The following SMAD5 variants were observed in gnomAD, a reference collection of about 807,000 sequenced individuals.
The protein encoded by SMAD5 is SMAD family member 5.
Under a neutral mutation model 43.1 loss-of-function variants are expected in SMAD5, and 9 were observed. That is an observed-to-expected ratio of 0.21 (90% CI 0.13 to 0.36). The LOEUF (loss-of-function observed/expected upper bound fraction) is 0.36. SMAD5 is among the 10% of genes least tolerant of loss of function. The pLI is 1.00. For synonymous variants in SMAD5, 190 were observed against 192.4 expected (o/e 0.99, Z 0.10); for missense variants, 348 against 574.0 (o/e 0.61, Z 4.02).
intron 5 of SMAD5, among the ~76,000 whole-genome samples, chr5:136,165,478 ATGT>A (rs1198136782): frequency 1.3e-5 from 2 of 151,924 alleles, no homozygotes; most frequent in African/African-American, 2.4e-5. Flanking sequence ...TCCATTTATA[ATGT>A]TGTGTGACCA....
intron 7 of SMAD5, among the ~76,000 whole-genome samples, chr5:136,176,771 A>G (rs1561660633): frequency 6.6e-6 from 1 of 151,894 alleles, no homozygotes; most frequent in South Asian, 2.1e-4. Context: ...ATATCTTATA[A>G]TACAGTTAAA....
intron 1 of SMAD5, chr5:136,134,311 A>G (rs1268015641): frequency 1.3e-5 from 2 of 152,482 alleles, no homozygotes; most frequent in African/African-American, 2.4e-5. Context: ...ATTTAAAACT[A>G]GAGTACTTGA....
chr5:136,173,430 A>G (rs936750659), intron 6 of SMAD5, among the ~76,000 whole-genome samples: 2 of 152,206 alleles, frequency 1.3e-5, no homozygotes, highest in Non-Finnish European at 2.9e-5. Context: ...GTAAATAAAT[A>G]TAATTGTGAT....
At position 136,154,370 on chromosome 5, in the gene SMAD5, A is replaced by T. The variant is rs906441632; in HGVS notation, c.403+207A>T. Among the ~76,000 whole-genome samples the T allele has an allele frequency of 2.6e-5, 4 of 152,272 alleles. No individual in the cohort carries two copies. In the East Asian group the frequency reaches 7.7e-4, roughly 29 times the overall value. ...ATTCTCAGGTGGCTTACTCTAATTC[A>T]TTATTCACTGTAAGCACCCATATAT... On this transcript the variant is annotated intron_variant, in intron 3 of 7. Coordinates refer to ENST00000545279, the MANE Select transcript of SMAD5 (RefSeq NM_005903.7).
chr5:136,150,537 A>G (rs1205858140), intron 2 of SMAD5, among the ~76,000 whole-genome samples: 1 of 151,942 alleles, frequency 6.6e-6, no homozygotes, highest in Non-Finnish European at 1.5e-5. Context: ...AGTTTTTATT[A>G]TAAATATTCA....
At chr5:136,165,563 C>T (rs1753970026) in intron 5 of SMAD5, among the ~76,000 whole-genome samples, 2 of 151,438 alleles carry the variant, frequency 1.3e-5, no homozygotes, top group South Asian at 4.2e-4. Context: ...TAAAAATTTC[C>T]TATTCTCCTT....
intron 5 of SMAD5, among the ~76,000 whole-genome samples, chr5:136,166,035 T>C (rs6867319): frequency 0.36 from 54,307 of 151,906 alleles, 10,604 homozygotes; most frequent in African/African-American, 0.53. Flanking sequence ...TTTTATATTC[T>C]CAGCAACAGT....
Position 136,138,811 on chromosome 5 carries a change from A to C in SMAD5, c.-245+5849A>C, listed in dbSNP as rs7730051. On this transcript the variant is annotated intron_variant, in intron 1 of 7. Coordinates refer to ENST00000545279, the MANE Select transcript of SMAD5 (RefSeq NM_005903.7). ...CGAGATTCTTGTTAAAAATGTGGGCAGTAAGGCCCTTCTGCCAAGCTTAGT... is the reference window on the plus strand; with the variant it reads ...CGAGATTCTTGTTAAAAATGTGGGCCGTAAGGCCCTTCTGCCAAGCTTAGT... 2.0e-5 allele frequency among the ~76,000 whole-genome samples: 3 copies of C among 152,008 alleles called. No individual in the cohort carries two copies. In the South Asian group the frequency reaches 6.2e-4, roughly 31 times the overall value.
intron 6 of SMAD5, 120 bp from the exon 7 acceptor site, chr5:136,174,256 G>C (rs1754327396): frequency 4.7e-6 from 4 of 859,882 alleles, no homozygotes; most frequent in Non-Finnish European, 5.4e-6. Context: ...GGTAACTTCT[G>C]TCTAAAGACT....
intron 1 of SMAD5, among the ~76,000 whole-genome samples, chr5:136,140,105 C>T (rs943649957): frequency 6.6e-6 from 1 of 151,552 alleles, no homozygotes; most frequent in Non-Finnish European, 1.5e-5. Flanking sequence ...TCACTGCAAC[C>T]TCTGCCTCCC....
chr5:136,161,034 C>G lies in SMAD5; in HGVS notation c.582C>G (p.Pro194=). The G allele has an allele frequency of 6.2e-7, 1 of 1,613,838 alleles. No homozygotes were observed. Among genetic ancestry groups the G allele is most frequent in the Non-Finnish European group, 8.5e-7 (1 of 1,179,850 alleles). ...CCTTATCTCCAAACAGCCCTTATCC[C>G]CCTTCTCCTGCTAGCAGCACATATC... The part of the protein sequence containing the change: ...PFPLSPNSPY[P]PSPASSTYPN... The change falls in exon 4 of 8, where the codon CCC becomes CCG. Residue 194 remains proline (P), a synonymous_variant. Coordinates refer to ENST00000545279, the MANE Select transcript of SMAD5 (RefSeq NM_005903.7).
intron 1 of SMAD5, among the ~76,000 whole-genome samples, chr5:136,138,950 A>G (rs573099239): frequency 6.6e-6 from 1 of 152,292 alleles, no homozygotes; most frequent in Non-Finnish European, 1.5e-5. Flanking sequence ...CATTATGGGC[A>G]TTTATTTTCA....
At chr5:136,172,380 C>T in intron 5 of SMAD5, 54 bp from the exon 6 acceptor site, 1 of 1,039,280 alleles carries the variant, frequency 9.6e-7, no homozygotes, top group South Asian at 1.5e-5. Flanking sequence ...AACACATGGA[C>T]AATCTGAGTT....
rs953178516 is a variant in SMAD5 at position 136,177,713 on chromosome 5, C to G, written c.*233C>G. On this transcript the variant is annotated 3_prime_UTR_variant, in exon 8 of 8. Transcript: ENST00000545279. The stretch of plus-strand genomic sequence containing the variant: ...AAAGATGCAGAGTAAGTATTATGCC[C>G]CAGTTCAGAAATTTGGCATTGATCT... 2.5e-5 allele frequency: 10 copies of G among 400,438 alleles called. No homozygotes were observed. Among genetic ancestry groups the G allele is most frequent in the Non-Finnish European group, 3.5e-5 (8 of 226,736 alleles). 24.8% of individuals were successfully genotyped at this position (400,438 alleles called of 1,614,324 possible).
intron 5 of SMAD5, among the ~76,000 whole-genome samples, chr5:136,164,818 T>C (rs1451073861): frequency 6.6e-6 from 1 of 152,192 alleles, no homozygotes; most frequent in African/African-American, 2.4e-5. Flanking sequence ...AATATTATTT[T>C]ATGTTTTATT....
At position 136,177,874 on chromosome 5, in the gene SMAD5, C is replaced by A. The variant is rs1399864056; in HGVS notation, c.*394C>A. Reference sequence around the variant, plus strand: ...TGAAGAGTAAGTTTTCCCTCCTACTCTCGATCTTCCAGAAGCTGTACTTTT... The same window carrying A: ...TGAAGAGTAAGTTTTCCCTCCTACTATCGATCTTCCAGAAGCTGTACTTTT... On this transcript the variant is annotated 3_prime_UTR_variant, in exon 8 of 8. Transcript: ENST00000545279. 1 of 154,628 alleles carries A rather than the reference C, an allele frequency of 6.5e-6. No individual in the cohort carries two copies. The highest frequency in any genetic ancestry group is 1.4e-5 in the Non-Finnish European group (1 of 69,734). 9.6% of individuals were successfully genotyped at this position (154,628 alleles called of 1,614,324 possible).
intron 5 of SMAD5, among the ~76,000 whole-genome samples, chr5:136,170,524 G>A (rs935994407): frequency 3.9e-5 from 6 of 151,974 alleles, no homozygotes; most frequent in East Asian, 3.9e-4. Context: ...TCAGTCCTCC[G>A]ACTTCATTCT....
chr5:136,163,984 C>T (rs1034616683), intron 5 of SMAD5, among the ~76,000 whole-genome samples: 1 of 151,984 alleles, frequency 6.6e-6, no homozygotes, highest in Non-Finnish European at 1.5e-5. Flanking sequence ...AGTTCAAAAC[C>T]CCAGCCTGGC....
intron 3 of SMAD5, among the ~76,000 whole-genome samples, chr5:136,157,633 A>G (rs1403617284): frequency 2.0e-5 from 3 of 152,150 alleles, no homozygotes; most frequent in Non-Finnish European, 4.4e-5. Context: ...TAGATCCCTC[A>G]TATGTGCAGT....
Sources: gnomAD v4.1 joint callset for allele counts (sites outside exome capture counted in the v4.1 genomes callset) on GRCh38, gnomAD v4.1.1 for gene constraint, MANE v1.5 for transcripts, NCBI Gene and HGNC (gene_info 2026-07-23, HGNC 2026-07-21) for gene names.